Variants in NIPA1 observed in about 807,000 individuals in gnomAD.
NIPA1 encodes the protein magnesium transporter NIPA1.
Under a neutral mutation model 23.9 loss-of-function variants are expected in NIPA1, and 13 were observed. The ratio of observed to expected loss-of-function variants is 0.54; its 90% CI spans 0.35 to 0.87. The LOEUF (loss-of-function observed/expected upper bound fraction) is 0.87, where lower values mean the gene tolerates loss of function less well. NIPA1 is among the 40% of genes least tolerant of loss of function. NIPA1 has a pLI of 0.01. For synonymous variants in NIPA1, 234 were observed against 202.9 expected (o/e 1.15, Z -1.30); for missense variants, 362 against 429.7 (o/e 0.84, Z 1.39).
intron 1 of NIPA1, among the ~76,000 whole-genome samples, chr15:22,788,935 A>G (rs1352743260): frequency 6.6e-6 from 1 of 151,146 alleles, no homozygotes; most frequent in East Asian, 1.9e-4. Context: ...AAAAAAAAAA[A>G]AAGATAAATG....
At chr15:22,789,497 G>T (rs1385310506) in intron 1 of NIPA1, among the ~76,000 whole-genome samples, 7 of 152,152 alleles carry the variant, frequency 4.6e-5, no homozygotes, top group Admixed American at 4.6e-4. Flanking sequence ...TGAGAGACCA[G>T]CCGGCGGGGC....
chr15:22,789,283 C>G (rs919428448), intron 1 of NIPA1, among the ~76,000 whole-genome samples: 4 of 152,162 alleles, frequency 2.6e-5, no homozygotes, highest in Non-Finnish European at 5.9e-5. Context: ...GCCACCAACA[C>G]TCGGCCTATA....
Position 22,823,949 on chromosome 15 carries a change from C to T in NIPA1, c.700C>T (p.Leu234=), listed in dbSNP as rs1158994373. 3 of 1,614,070 alleles carry T rather than the reference C, an allele frequency of 1.9e-6. No homozygotes were observed. Among genetic ancestry groups the T allele is most frequent in the African/African-American group, 1.3e-5 (1 of 74,942 alleles). The change falls in exon 5 of 5, where the codon CTG becomes TTG. Residue 234 remains leucine, a synonymous_variant. Transcript: ENST00000337435. The stretch of plus-strand genomic sequence containing the variant: ...AGCCCTCTGCCTGTGCCTGGTACTC[C>T]TGGCCGTGCTCGGCTGCAGCATCAT... ...QRALCLCLVL[L]AVLGCSIIVQ... is the part of the protein sequence containing the mutation.
intron 1 of NIPA1, 29 bp downstream of exon 1, chr15:22,786,863 G>A (rs1799729377): frequency 2.9e-5 from 29 of 985,506 alleles, no homozygotes; most frequent in Admixed American, 3.5e-5. Flanking sequence ...GGCAGGCGGC[G>A]GGCGGGTGGG....
chr15:22,789,717 AAT>A (rs1306471936), intron 1 of NIPA1, among the ~76,000 whole-genome samples: 1 of 152,144 alleles, frequency 6.6e-6, no homozygotes, highest in Non-Finnish European at 1.5e-5. Context: ...CAACAACCTC[AAT>A]TCTTGCTTCC....
intron 1 of NIPA1, among the ~76,000 whole-genome samples, chr15:22,800,711 A>G (rs1247122273): frequency 1.3e-5 from 2 of 152,024 alleles, no homozygotes; most frequent in East Asian, 1.9e-4. Flanking sequence ...GGCATATCAC[A>G]AGGTCAGGAG....
chr15:22,823,689 G>A (rs761355239), intron 4 of NIPA1, 39 bp from the exon 5 acceptor site: 2 of 1,572,896 alleles, frequency 1.3e-6, no homozygotes, highest in African/African-American at 2.7e-5. Flanking sequence ...CGGCTGCTAG[G>A]CGGTGGCTCC....
At chr15:22,803,786 T>G (rs1259223516) in intron 1 of NIPA1, among the ~76,000 whole-genome samples, 4 of 149,920 alleles carry the variant, frequency 2.7e-5, no homozygotes, top group Non-Finnish European at 5.9e-5. Context: ...TTCATGCCAT[T>G]CTCCTGCCTC....
At chr15:22,819,694 G>C (rs761303752) in intron 3 of NIPA1, among the ~76,000 whole-genome samples, 17 of 151,454 alleles carry the variant, frequency 1.1e-4, no homozygotes, top group Non-Finnish European at 5.9e-5. Context: ...TAATTATTTT[G>C]ACAGTTTTTG....
At chr15:22,803,049 C>T (rs1459186931) in intron 1 of NIPA1, among the ~76,000 whole-genome samples, 3 of 151,904 alleles carry the variant, frequency 2.0e-5, no homozygotes, top group Admixed American at 6.6e-5. Flanking sequence ...CTCTGCCTAC[C>T]GGGTTCAAGC....
chr15:22,817,760 G>C (rs988542961), intron 3 of NIPA1, among the ~76,000 whole-genome samples: 1 of 151,910 alleles, frequency 6.6e-6, no homozygotes, highest in African/African-American at 2.4e-5. Context: ...AGCTGAGATC[G>C]TGCCACTGCA....
chr15:22,793,443 T>C (rs1284028339), intron 1 of NIPA1, among the ~76,000 whole-genome samples: 1 of 151,560 alleles, frequency 6.6e-6, no homozygotes, highest in Non-Finnish European at 1.5e-5. Flanking sequence ...TAGAGCTTCT[T>C]TTTTTTTATT....
rs1595650041 is a variant in NIPA1 at position 22,827,297 on chromosome 15, C to G, written c.*3058C>G. On this transcript the variant is annotated 3_prime_UTR_variant, in exon 5 of 5. Transcript: ENST00000337435. ...ATTGCTTCCTGTTCTGCTCATTGAT[C>G]AAAGGTAGGGCCAATTAAGGATTCT... 6.6e-6 allele frequency: 1 copy of G among 152,268 alleles called. No individual in the cohort carries two copies. The highest frequency in any genetic ancestry group is 2.1e-4 in the South Asian group (1 of 4,828). The allele number at this position is 152,268 out of a possible 1,614,324, so 9.4% of individuals were successfully genotyped here. A position where few individuals can be genotyped will look rare whatever the true frequency, so the allele number is the denominator to read the frequency against.
At chr15:22,822,802 G>A (rs1197590558) in intron 4 of NIPA1, among the ~76,000 whole-genome samples, 4 of 151,586 alleles carry the variant, frequency 2.6e-5, no homozygotes, top group African/African-American at 9.7e-5. Flanking sequence ...AATCCAGCCT[G>A]GGCAACAAAG....
At chr15:22,820,537 C>T (rs1384011545) in intron 4 of NIPA1, 64 bp downstream of exon 4, 4 of 1,236,574 alleles carry the variant, frequency 3.2e-6, no homozygotes, top group Non-Finnish European at 4.8e-6. Context: ...TTTTTAACCA[C>T]GTCTTCAAAT....
At chr15:22,788,919 T>TAAAAAAAAAAAAAAAAAAAA (rs199860403) in intron 1 of NIPA1, among the ~76,000 whole-genome samples, 50 of 78,800 alleles carry the variant, frequency 6.3e-4, no homozygotes, top group African/African-American at 2.3e-3. Context: ...GGCTCTGTCT[T>TAAAAAAAAAAAAAAAAAAAA]AAAAAAAAAA....
intron 1 of NIPA1, among the ~76,000 whole-genome samples, chr15:22,804,848 T>C (rs1028366783): frequency 1.3e-5 from 2 of 152,106 alleles, no homozygotes; most frequent in African/African-American, 4.8e-5. Flanking sequence ...GTAAATTTTT[T>C]TTTTTTTAAG....
chr15:22,787,432 G>C (rs1894732324), intron 1 of NIPA1, among the ~76,000 whole-genome samples: 1 of 152,242 alleles, frequency 6.6e-6, no homozygotes, highest in Non-Finnish European at 1.5e-5. Flanking sequence ...GGAGCCCGCT[G>C]CGCCTTAGAC....
At chr15:22,796,088 T>A (rs575964118) in intron 1 of NIPA1, among the ~76,000 whole-genome samples, 6 of 151,976 alleles carry the variant, frequency 3.9e-5, no homozygotes, top group East Asian at 3.9e-4. Flanking sequence ...TAGCTAATTT[T>A]TATATATTTT....
Sources: allele counts gnomAD v4.1 joint callset (sites outside exome capture counted in the v4.1 genomes callset), GRCh38; gene constraint gnomAD v4.1.1; transcripts MANE v1.5; gene names NCBI Gene and HGNC (gene_info 2026-07-23, HGNC 2026-07-21).